Variants in TRPC4AP observed in about 807,000 individuals in gnomAD.
TRPC4AP encodes the protein transient receptor potential cation channel subfamily C member 4 associated protein.
Under a neutral mutation model 99.0 loss-of-function variants are expected in TRPC4AP, and 45 were observed. The observed-to-expected ratio is 0.45, with a 90% CI of 0.36 to 0.58. The LOEUF (loss-of-function observed/expected upper bound fraction) is 0.58, where lower values mean the gene tolerates loss of function less well. Among genes scored for constraint, TRPC4AP ranks in the 20% least tolerant of loss-of-function variants. The pLI is 0.00. For missense variants in TRPC4AP, 879 were observed against 985.3 expected (o/e 0.89, Z 1.44); for synonymous variants, 408 against 385.8 (o/e 1.06, Z -0.67).
intron 16 of TRPC4AP, among the ~76,000 whole-genome samples, chr20:35,004,771 C>G (rs1487724013): frequency 2.0e-5 from 3 of 152,172 alleles, no homozygotes; most frequent in African/African-American, 7.2e-5. Context: ...CTCAGAGTGC[C>G]CAGGAGCACC....
chr20:35,031,385 G>A (rs1183096902), intron 8 of TRPC4AP, among the ~76,000 whole-genome samples: 1 of 119,790 alleles, frequency 8.3e-6, no homozygotes, highest in African/African-American at 3.3e-5. Flanking sequence ...ACTACCCCTG[G>A]TTAACTTTTT....
intron 10 of TRPC4AP, among the ~76,000 whole-genome samples, chr20:35,015,171 T>A (rs2082721187): frequency 6.6e-6 from 1 of 152,124 alleles, no homozygotes; most frequent in Admixed American, 6.5e-5. Context: ...TGGCTAATTT[T>A]TGTATTTTTA....
chr20:35,069,162 G>A (rs778956293), intron 3 of TRPC4AP, 134 bp downstream of exon 3: 15 of 614,386 alleles, frequency 2.4e-5, no homozygotes, highest in Non-Finnish European at 4.4e-5. Flanking sequence ...ACATGTAAAT[G>A]CCGCTAAGCT....
intron 12 of TRPC4AP, among the ~76,000 whole-genome samples, chr20:35,009,762 G>A (rs1276910426): frequency 1.3e-5 from 2 of 152,250 alleles, no homozygotes; most frequent in African/African-American, 4.8e-5. Flanking sequence ...CTCCAGGTGA[G>A]GCAAACCTAA....
intron 11 of TRPC4AP, among the ~76,000 whole-genome samples, chr20:35,010,571 G>A (rs928559084): frequency 6.8e-6 from 1 of 146,764 alleles, no homozygotes; most frequent in Non-Finnish European, 1.5e-5. Flanking sequence ...CTTTCTCTTT[G>A]CCTACATTTC....
At chr20:35,041,155 A>AGGAAGAAAGGCCTCAACCAGG (rs1555909104) in intron 7 of TRPC4AP, among the ~76,000 whole-genome samples, 7 of 152,122 alleles carry the variant, frequency 4.6e-5, no homozygotes, top group African/African-American at 7.2e-5. Context: ...TCTGTTAGTT[A>AGGAAGAAAGGCCTCAACCAGG]AGCCACCTAG....
chr20:35,003,667 C>G (rs553375698), intron 17 of TRPC4AP, 51 bp from the exon 18 acceptor site: 62 of 1,571,398 alleles, frequency 3.9e-5, no homozygotes, highest in Non-Finnish European at 5.2e-5. Flanking sequence ...GCCCCAGTGG[C>G]CCCTGGTGAA....
At chr20:35,006,124 C>T (rs78353970) in intron 15 of TRPC4AP, among the ~76,000 whole-genome samples, 1 of 152,304 alleles carries the variant, frequency 6.6e-6, no homozygotes, top group Non-Finnish European at 1.5e-5. Context: ...GTGAGCCTAA[C>T]ACACCAGGCC....
intron 3 of TRPC4AP, among the ~76,000 whole-genome samples, chr20:35,068,482 A>G (rs926658235): frequency 2.0e-5 from 3 of 152,212 alleles, no homozygotes; most frequent in African/African-American, 7.2e-5. Flanking sequence ...ATGCCAGTCA[A>G]CTGGGGCCTG....
At position 35,024,825 on chromosome 20, in the gene TRPC4AP, C is replaced by CCAAAAAAAAAAAAAAAAAA. The variant is rs1555904985; in HGVS notation, c.1052-3470_1052-3469insTTTTTTTTTTTTTTTTTTG. ...CCTAGGTGACAGAGAGAGACCGTCT[C>CCAAAAAAAAAAAAAAAAAA]AAAAAAAAAAAAAAAAAAAAAAAAA... On this transcript the variant is annotated intron_variant, in intron 8 of 18. Coordinates refer to ENST00000252015, the MANE Select transcript of TRPC4AP (RefSeq NM_015638.3). 1.4e-4 allele frequency among the ~76,000 whole-genome samples: 5 copies of CCAAAAAAAAAAAAAAAAAA among 35,876 alleles called. 2 individuals are homozygous for CCAAAAAAAAAAAAAAAAAA. The highest frequency in any genetic ancestry group is 8.0e-4 in the Admixed American group (2 of 2,506). 23.5% of individuals were successfully genotyped at this position (35,876 alleles called of 152,430 possible).
intron 10 of TRPC4AP, 125 bp downstream of exon 10, chr20:35,015,883 T>G: frequency 8.0e-7 from 1 of 1,243,562 alleles, no homozygotes; most frequent in Non-Finnish European, 1.1e-6. Context: ...TAGGGGACTA[T>G]AAGATATGAT....
rs560373858 is a variant in TRPC4AP at position 35,062,095 on chromosome 20, A to T, written c.415-4524T>A. On this transcript the variant is annotated intron_variant, in intron 3 of 18. Transcript: ENST00000252015. The stretch of plus-strand genomic sequence containing the variant: ...TCAGGGAAATGCAAATCAAAACCAC[A>T]ATGAGATACCTCTTCATACCTACTA... 3.3e-5 allele frequency among the ~76,000 whole-genome samples: 5 copies of T among 152,334 alleles called. 1 individual carries two copies. The highest frequency in any genetic ancestry group is 1.2e-4 in the African/African-American group (5 of 41,576).
chr20:35,058,104 C>T (rs531861980), intron 3 of TRPC4AP, among the ~76,000 whole-genome samples: 111 of 152,136 alleles, frequency 7.3e-4, no homozygotes, highest in Middle Eastern at 3.4e-3. Context: ...AAGGGTCAAT[C>T]CATTAGAAAG....
intron 7 of TRPC4AP, 113 bp downstream of exon 7, chr20:35,044,392 C>T: frequency 1.0e-6 from 1 of 997,458 alleles, no homozygotes; most frequent in Non-Finnish European, 1.3e-6. Context: ...GATCCCATCT[C>T]AAAAAAGGAA....
Position 35,035,174 on chromosome 20 carries a change from C to T in TRPC4AP, c.1000G>A (p.Val334Met). ...GCCACTCGCATCAGGGCATCTAGCA[C>T]CAAAGCATTGTCTAGCCATGTGTAC... ...EWYTWLDNAL[V>M]LDALMRVANE... Residue 334 changes from valine (V) to methionine (M), a missense_variant, in exon 8 of 19, where the codon GTG becomes ATG. By Grantham distance (21) the Val-to-Met change is conservative (BLOSUM62 1). Coordinates refer to ENST00000252015, the MANE Select transcript of TRPC4AP (RefSeq NM_015638.3). 1 of 1,614,082 alleles carries T rather than the reference C, an allele frequency of 6.2e-7. No individual in the cohort carries two copies. Among genetic ancestry groups the T allele is most frequent in the Non-Finnish European group, 8.5e-7 (1 of 1,180,000 alleles).
At chr20:35,008,155 G>A (rs1192439340) in intron 13 of TRPC4AP, among the ~76,000 whole-genome samples, 2 of 152,166 alleles carry the variant, frequency 1.3e-5, no homozygotes, top group Admixed American at 6.5e-5. Context: ...AGGCCCATGT[G>A]GGCATGAAGC....
intron 12 of TRPC4AP, among the ~76,000 whole-genome samples, chr20:35,009,273 A>C (rs964663756): frequency 1.3e-5 from 2 of 152,212 alleles, no homozygotes; most frequent in African/African-American, 4.8e-5. Context: ...CCCTTCAAAC[A>C]GAGCAGCTCT....
chr20:35,062,665 C>A (rs2084036251), intron 3 of TRPC4AP, among the ~76,000 whole-genome samples: 1 of 152,046 alleles, frequency 6.6e-6, no homozygotes, highest in Admixed American at 6.5e-5. Flanking sequence ...TTAGTGGTTG[C>A]CTAAGGATGT....
Position 35,049,973 on chromosome 20 carries a change from A to C in TRPC4AP, c.550T>G (p.Leu184Val). Residue 184 changes from leucine (L) to valine (V), a missense_variant, in exon 6 of 19, where the codon TTG becomes GTG. Leu to Val is a conservative substitution (Grantham distance 32, BLOSUM62 1). Around this residue, in one of 3 missense-constraint regions of TRPC4AP, gnomAD observed 603 missense variants for 631.8 expected, o/e 0.95. Coordinates refer to ENST00000252015, the MANE Select transcript of TRPC4AP (RefSeq NM_015638.3). ...ATCACAAAGTCATTCTTTTCTGCCA[A>C]ACGCTTTGTAACTCCCTCTGTCTGT... The part of the protein sequence containing the change: ...CVCTEGVTKR[L>V]AEKNDFVIFL... 1 of 1,613,996 alleles carries C rather than the reference A, an allele frequency of 6.2e-7. No homozygotes were observed. The highest frequency in any genetic ancestry group is 1.1e-5 in the South Asian group (1 of 91,040).
Sources: allele counts gnomAD v4.1 joint callset (sites outside exome capture counted in the v4.1 genomes callset), GRCh38; gene constraint gnomAD v4.1.1; regional missense constraint gnomAD v4.1.1; transcripts MANE v1.5; gene names NCBI Gene and HGNC (gene_info 2026-07-23, HGNC 2026-07-21).